The following AGBL4 variants were observed in gnomAD, a reference collection of about 807,000 sequenced individuals.
AGBL4 encodes the protein cytosolic carboxypeptidase 6.
AGBL4 carries 58 observed loss-of-function variants against 66.4 expected under a neutral mutation model. The ratio of observed to expected loss-of-function variants is 0.87; its 90% CI spans 0.71 to 1.09. AGBL4 has a LOEUF of 1.09. Among genes scored for constraint, AGBL4 ranks in the 50% least tolerant of loss-of-function variants. The pLI is 0.00. For missense variants in AGBL4, 579 were observed against 631.0 expected, an observed-to-expected ratio of 0.92 and a Z score of 0.88; for synonymous variants, 234 against 222.9, an observed-to-expected ratio of 1.05 and a Z score of -0.44.
intron 1 of AGBL4, among the ~76,000 whole-genome samples, chr1:49,969,380 T>C (rs1657858458): frequency 6.6e-6 from 1 of 152,152 alleles, no homozygotes; most frequent in Admixed American, 6.5e-5. Flanking sequence ...TGAGTGTGTG[T>C]GTGTGTATGT....
At chr1:49,031,071 T>C (rs1179664671) in intron 5 of AGBL4, among the ~76,000 whole-genome samples, 1 of 152,048 alleles carries the variant, frequency 6.6e-6, no homozygotes, top group Non-Finnish European at 1.5e-5. Flanking sequence ...ATATTTCAAA[T>C]TGCTAAAAGA....
intron 4 of AGBL4, among the ~76,000 whole-genome samples, chr1:49,207,602 C>CTTTCTTTCTTTCTTTCT (rs757148627): frequency 1.8e-4 from 15 of 83,664 alleles, no homozygotes; most frequent in African/African-American, 6.1e-4. Flanking sequence ...TTCTTTCTTT[C>CTTTCTTTCTTTCTTTCT]TTCTTTTTAT....
chr1:49,997,663 A>T (rs373451068), intron 1 of AGBL4, among the ~76,000 whole-genome samples: 1 of 152,190 alleles, frequency 6.6e-6, no homozygotes, highest in East Asian at 1.9e-4. Context: ...CAGAAAGTCA[A>T]CAAAGAAACA....
chr1:48,765,709 C>T (rs1436240593), intron 6 of AGBL4, among the ~76,000 whole-genome samples: 4 of 151,986 alleles, frequency 2.6e-5, no homozygotes, highest in Non-Finnish European at 5.9e-5. Context: ...TGTGGTATAC[C>T]CATACAACAG....
chr1:49,079,128 C>T (rs1277843792), intron 4 of AGBL4, among the ~76,000 whole-genome samples: 4 of 152,108 alleles, frequency 2.6e-5, no homozygotes, highest in Admixed American at 2.0e-4. Flanking sequence ...GGGCCTAGCA[C>T]ATCATATTTG....
Position 49,537,851 on chromosome 1 carries a change from C to G in AGBL4, c.282+159462G>C, listed in dbSNP as rs924803325. Among the ~76,000 whole-genome samples, 5 of 151,620 alleles carry G rather than the reference C, an allele frequency of 3.3e-5. No individual in the cohort carries two copies. The East Asian group carries it at 9.7e-4, about 29-fold the overall frequency. On this transcript the variant is annotated intron_variant, in intron 3 of 13. Coordinates refer to ENST00000371839, the MANE Select transcript of AGBL4 (RefSeq NM_032785.4). The stretch of plus-strand genomic sequence containing the variant: ...CTGAGGCAGGAGAATGGTGTGAACC[C>G]AGGAGGTGGAGCTTGTAGTGAGCCA...
At chr1:49,373,528 T>A (rs558045360) in intron 3 of AGBL4, among the ~76,000 whole-genome samples, 10 of 152,198 alleles carry the variant, frequency 6.6e-5, no homozygotes, top group South Asian at 2.1e-4. Context: ...AAGAAACAAT[T>A]CTGGAAGAAG....
At chr1:49,962,129 G>T (rs571231963) in intron 1 of AGBL4, among the ~76,000 whole-genome samples, 2 of 152,078 alleles carry the variant, frequency 1.3e-5, no homozygotes, top group Admixed American at 6.6e-5. Context: ...TATCTTAATG[G>T]TCTAGTAATT....
At chr1:49,909,258 A>T (rs953782384) in intron 1 of AGBL4, among the ~76,000 whole-genome samples, 5 of 152,170 alleles carry the variant, frequency 3.3e-5, no homozygotes, top group African/African-American at 1.2e-4. Flanking sequence ...AAATATATAC[A>T]TTCATACACA....
chr1:49,523,920 T>C (rs1422059544), intron 3 of AGBL4, among the ~76,000 whole-genome samples: 1 of 151,976 alleles, frequency 6.6e-6, no homozygotes, highest in African/African-American at 2.4e-5. Context: ...GCCTCAGTCA[T>C]GTGGTCCAGG....
intron 3 of AGBL4, among the ~76,000 whole-genome samples, chr1:49,606,166 C>T (rs1488310101): frequency 6.6e-6 from 1 of 152,068 alleles, no homozygotes; most frequent in African/African-American, 2.4e-5. Context: ...ATTGAGGTTT[C>T]TAGGCTACAA....
chr1:48,664,069 C>T lies in AGBL4; in HGVS notation c.635-828G>A, dbSNP rs76034622. 8.9e-3 allele frequency among the ~76,000 whole-genome samples: 1,356 copies of T among 152,264 alleles called. 23 individuals are homozygous for T. Among genetic ancestry groups the T allele is most frequent in the African/African-American group, 0.032 (1,316 of 41,534 alleles). On this transcript the variant is annotated intron_variant, in intron 6 of 13. Transcript: ENST00000371839. ...AGAGAAGGAAAACAAATGAGATATG[C>T]CCTATGATTGCCCTGGCTTTTTGCC...
chr1:49,638,789 T>C (rs543711034), intron 3 of AGBL4, among the ~76,000 whole-genome samples: 5 of 152,328 alleles, frequency 3.3e-5, no homozygotes, highest in South Asian at 4.1e-4. Context: ...CCTCTGTTTT[T>C]TGGAAATTAC....
rs182641064 is a variant in AGBL4 at position 49,635,841 on chromosome 1, T to C, written c.282+61472A>G. On this transcript the variant is annotated intron_variant, in intron 3 of 13. Coordinates refer to ENST00000371839, the MANE Select transcript of AGBL4 (RefSeq NM_032785.4). ...CATTTGGCTATTTAAGCTAAACAAG[T>C]GTATATTCCATGACCCAGCAATTTT... Among the ~76,000 whole-genome samples the C allele has an allele frequency of 2.6e-3, 391 of 152,306 alleles. 3 individuals are homozygous for C. The highest frequency in any genetic ancestry group is 9.1e-3 in the African/African-American group (380 of 41,572).
chr1:49,094,349 GA>G (rs1164305855), intron 4 of AGBL4, among the ~76,000 whole-genome samples: 1 of 152,050 alleles, frequency 6.6e-6, no homozygotes, highest in African/African-American at 2.4e-5. Flanking sequence ...TATTATCTGG[GA>G]TTATCTGGAT....
intron 4 of AGBL4, among the ~76,000 whole-genome samples, chr1:49,122,353 A>G (rs1050622939): frequency 6.6e-6 from 1 of 152,174 alleles, no homozygotes; most frequent in Admixed American, 6.5e-5. Context: ...AACAGACCCC[A>G]CATTTTTTTT....
chr1:48,906,315 T>C (rs954164342), intron 5 of AGBL4, among the ~76,000 whole-genome samples: 1 of 152,138 alleles, frequency 6.6e-6, no homozygotes, highest in Non-Finnish European at 1.5e-5. Context: ...CATGTACTGA[T>C]TTTGACTGTG....
intron 3 of AGBL4, among the ~76,000 whole-genome samples, chr1:49,490,568 A>C (rs1647167649): frequency 6.6e-6 from 1 of 151,732 alleles, no homozygotes; most frequent in Admixed American, 6.6e-5. Flanking sequence ...TTTTTGTTTT[A>C]ACTTACAGAC....
chr1:49,369,009 G>A (rs866388948), intron 3 of AGBL4, among the ~76,000 whole-genome samples: 1 of 152,040 alleles, frequency 6.6e-6, no homozygotes, highest in African/African-American at 2.4e-5. Context: ...TGGTGGGGGC[G>A]GAGGTTATGG....
Sources: gnomAD v4.1 joint callset for allele counts (sites outside exome capture counted in the v4.1 genomes callset) on GRCh38, gnomAD v4.1.1 for gene constraint, MANE v1.5 for transcripts, NCBI Gene and HGNC (gene_info 2026-07-23, HGNC 2026-07-21) for gene names.